The following HNMT variants were observed in gnomAD, a reference collection of about 807,000 sequenced individuals.
HNMT encodes histamine N-methyltransferase.
HNMT carries 30 observed loss-of-function variants against 32.1 expected under a neutral mutation model. That is an observed-to-expected ratio of 0.93 (90% CI 0.70 to 1.27). The LOEUF (loss-of-function observed/expected upper bound fraction) is 1.27, where lower values mean the gene tolerates loss of function less well. Ranked by LOEUF, HNMT falls within the 50% of genes most tolerant of loss-of-function variation. The pLI is 0.00. For synonymous variants in HNMT, 125 were observed against 119.0 expected (o/e 1.05, Z -0.33); for missense variants, 327 against 346.0 (o/e 0.95, Z 0.43).
intron 2 of HNMT, among the ~76,000 whole-genome samples, chr2:137,991,439 C>A (rs780067499): frequency 2.6e-5 from 4 of 152,214 alleles, no homozygotes; most frequent in Non-Finnish European, 4.4e-5. Context: ...GGGACAGGAC[C>A]TCCTCTGAAA....
At chr2:137,998,601 T>C (rs1681066807) in intron 2 of HNMT, among the ~76,000 whole-genome samples, 1 of 152,176 alleles carries the variant, frequency 6.6e-6, no homozygotes, top group Admixed American at 6.5e-5. Context: ...CTCTAGAGGC[T>C]GTTATGCAAA....
At chr2:137,987,076 C>G (rs1186070220) in intron 2 of HNMT, among the ~76,000 whole-genome samples, 1 of 152,304 alleles carries the variant, frequency 6.6e-6, no homozygotes, top group African/African-American at 2.4e-5. Flanking sequence ...AATTATTTCT[C>G]TATTTGTCAC....
At position 137,981,119 on chromosome 2, in the gene HNMT, A is replaced by G. The variant is rs60499878; in HGVS notation, c.190+10902A>G. The G allele has an allele frequency of 7.1e-4, 967 of 1,360,606 alleles. 3 individuals are homozygous for G. In the African/African-American group the frequency reaches 0.013, roughly 18 times the overall value. 84.3% of individuals were successfully genotyped at this position (1,360,606 alleles called of 1,614,324 possible). Reference sequence around the variant, plus strand: ...GAATTAAATTTTTCCTGCTGATAATATATATTTTGATATGAGAAAAGAAGC... The same window carrying G: ...GAATTAAATTTTTCCTGCTGATAATGTATATTTTGATATGAGAAAAGAAGC... On this transcript the variant is annotated intron_variant, in intron 2 of 5. Coordinates refer to ENST00000280097, the MANE Select transcript of HNMT (RefSeq NM_006895.3).
At chr2:137,978,003 C>T (rs1380027372) in intron 2 of HNMT, among the ~76,000 whole-genome samples, 1 of 152,006 alleles carries the variant, frequency 6.6e-6, no homozygotes, top group African/African-American at 2.4e-5. Context: ...GCTACAGTTC[C>T]TCAGCCTGCA....
Position 138,014,050 on chromosome 2 carries a change from C to G in HNMT, c.799C>G (p.Gln267Glu). ...CAGAGCAGAGCTTGGGAAAGATCTACAAGAGCCTGAATTTAGTGCTAAGAA... is the reference window on the plus strand; with the variant it reads ...CAGAGCAGAGCTTGGGAAAGATCTAGAAGAGCCTGAATTTAGTGCTAAGAA... ...DLRAELGKDLQEPEFSAKKEG... is the reference protein window; with the variant it reads ...DLRAELGKDLEEPEFSAKKEG... The change falls in exon 6 of 6, where the codon CAA becomes GAA. Residue 267 changes from glutamine (Q) to glutamate (E), a missense_variant. Physicochemically the swap from Gln to Glu is conservative, Grantham distance 29. Coordinates refer to ENST00000280097, the MANE Select transcript of HNMT (RefSeq NM_006895.3). The G allele has an allele frequency of 6.2e-7, 1 of 1,613,522 alleles. No individual in the cohort carries two copies. The highest frequency in any genetic ancestry group is 8.5e-7 in the Non-Finnish European group (1 of 1,179,672).
chr2:137,973,781 G>C (rs567175873), intron 2 of HNMT, among the ~76,000 whole-genome samples: 15 of 151,334 alleles, frequency 9.9e-5, no homozygotes, highest in African/African-American at 2.9e-4. Flanking sequence ...GTTTTTTTTG[G>C]GGGGGGGTGG....
chr2:138,004,743 G>A (rs1681280580), intron 4 of HNMT, among the ~76,000 whole-genome samples: 1 of 151,988 alleles, frequency 6.6e-6, no homozygotes, highest in East Asian at 1.9e-4. Context: ...CCATGAAATG[G>A]GGTCTGTTTT....
intron 2 of HNMT, among the ~76,000 whole-genome samples, chr2:137,996,384 AAAAC>A (rs1680994956): frequency 6.6e-6 from 1 of 152,208 alleles, no homozygotes; most frequent in South Asian, 2.1e-4. Flanking sequence ...ACAATAGACA[AAAAC>A]AGAGCCAAAT....
At chr2:137,986,278 C>G (rs1380059918) in intron 2 of HNMT, among the ~76,000 whole-genome samples, 2 of 150,380 alleles carry the variant, frequency 1.3e-5, no homozygotes, top group African/African-American at 4.9e-5. Context: ...TATATATATA[C>G]CTTAATATGT....
intron 1 of HNMT, among the ~76,000 whole-genome samples, chr2:137,968,944 T>G (rs74428291): frequency 0.017 from 2,583 of 152,264 alleles, 67 homozygotes; most frequent in African/African-American, 0.058. Flanking sequence ...CTCTTTTCCT[T>G]CTCTCTTTCA....
chr2:137,966,085 GTTAC>G (rs1679949159), intron 1 of HNMT, among the ~76,000 whole-genome samples: 1 of 152,146 alleles, frequency 6.6e-6, no homozygotes, highest in East Asian at 1.9e-4. Flanking sequence ...TTTTAAAATT[GTTAC>G]TTAGAGTTGT....
At position 138,010,019 on chromosome 2, in the gene HNMT, T is replaced by C. The variant is rs529027828; in HGVS notation, c.524-3756T>C. 2.0e-5 allele frequency among the ~76,000 whole-genome samples: 3 copies of C among 152,216 alleles called. No individual in the cohort carries two copies. The South Asian group carries it at 6.2e-4, about 32-fold the overall frequency. ...ACACTAAGTTCTGTTTTTATTAAGATTCTTTGGGTCACTTTCTTAATGGAA... is the reference window on the plus strand; with the variant it reads ...ACACTAAGTTCTGTTTTTATTAAGACTCTTTGGGTCACTTTCTTAATGGAA... On this transcript the variant is annotated intron_variant, in intron 5 of 5. Coordinates refer to ENST00000280097, the MANE Select transcript of HNMT (RefSeq NM_006895.3).
chr2:138,003,997 A>C (rs961445227), intron 4 of HNMT, among the ~76,000 whole-genome samples: 78 of 151,702 alleles, frequency 5.1e-4, no homozygotes, highest in Middle Eastern at 3.4e-3. Context: ...CTCTCTCTCC[A>C]TCTCTGTCTA....
intron 5 of HNMT, 40 bp from the exon 6 acceptor site, chr2:138,013,734 GA>G: frequency 6.6e-7 from 1 of 1,503,766 alleles, no homozygotes; most frequent in Non-Finnish European, 9.1e-7. Context: ...GCAAATGAAA[GA>G]AAGAATAAAT....
At chr2:138,008,599 T>C (rs1681400546) in intron 5 of HNMT, among the ~76,000 whole-genome samples, 1 of 151,806 alleles carries the variant, frequency 6.6e-6, no homozygotes, top group Admixed American at 6.6e-5. Context: ...TGAAACAGAA[T>C]AGAGAGACCA....
At chr2:137,997,541 G>A (rs777841897) in intron 2 of HNMT, among the ~76,000 whole-genome samples, 13 of 152,196 alleles carry the variant, frequency 8.5e-5, no homozygotes, top group South Asian at 2.1e-4. Context: ...TGGCAAAGCC[G>A]TGGAGAGATA....
intron 2 of HNMT, among the ~76,000 whole-genome samples, chr2:137,977,468 T>TG (rs998594040): frequency 1.3e-5 from 2 of 152,002 alleles, no homozygotes; most frequent in Admixed American, 6.6e-5. Flanking sequence ...TGAAGGGGAT[T>TG]GGGGGGGTTG....
intron 2 of HNMT, among the ~76,000 whole-genome samples, chr2:137,984,450 T>C (rs2104948084): frequency 6.6e-6 from 1 of 152,322 alleles, no homozygotes; most frequent in East Asian, 1.9e-4. Flanking sequence ...TTAATTTTCA[T>C]CTCTTTGATT....
chr2:137,976,351 G>C (rs1018005990), intron 2 of HNMT, among the ~76,000 whole-genome samples: 1 of 151,580 alleles, frequency 6.6e-6, no homozygotes, highest in Non-Finnish European at 1.5e-5. Flanking sequence ...TCATTCTAGT[G>C]GTGTCAGCAC....
Sources: allele counts gnomAD v4.1 joint callset (sites outside exome capture counted in the v4.1 genomes callset), GRCh38; gene constraint gnomAD v4.1.1; transcripts MANE v1.5; gene names NCBI Gene and HGNC (gene_info 2026-07-23, HGNC 2026-07-21).